Variants in ARMC8 observed in about 807,000 individuals in gnomAD.
The protein encoded by ARMC8 is armadillo repeat containing 8, also known as armadillo repeat-containing protein 8.
Under a neutral mutation model 99.3 loss-of-function variants are expected in ARMC8, and 20 were observed. That is an observed-to-expected ratio of 0.20 (90% CI 0.14 to 0.29). ARMC8 has a LOEUF of 0.29. ARMC8 is among the 10% of genes least tolerant of loss of function. The pLI is 1.00. For synonymous variants in ARMC8, 263 were observed against 278.3 expected (o/e 0.95, Z 0.55); for missense variants, 569 against 809.5 (o/e 0.70, Z 3.60).
At chr3:138,195,583 A>G (rs2043683374) in intron 1 of ARMC8, among the ~76,000 whole-genome samples, 1 of 152,194 alleles carries the variant, frequency 6.6e-6, no homozygotes, top group Non-Finnish European at 1.5e-5. Flanking sequence ...TACTGTCAGC[A>G]GACAGGAATG....
At chr3:138,211,159 C>A (rs904653636) in intron 2 of ARMC8, among the ~76,000 whole-genome samples, 1 of 152,080 alleles carries the variant, frequency 6.6e-6, no homozygotes, top group African/African-American at 2.4e-5. Context: ...CACACAAGTT[C>A]GTCAAGGGGG....
chr3:138,292,906 C>G (rs2051104180), intron 21 of ARMC8, among the ~76,000 whole-genome samples: 1 of 152,162 alleles, frequency 6.6e-6, no homozygotes, highest in Non-Finnish European at 1.5e-5. Context: ...GTGAGGCAGG[C>G]AGAGACTCAG....
At chr3:138,194,030 C>T (rs2043547813) in intron 1 of ARMC8, among the ~76,000 whole-genome samples, 1 of 151,266 alleles carries the variant, frequency 6.6e-6, no homozygotes, top group Non-Finnish European at 1.5e-5. Flanking sequence ...ACAGTCCTTT[C>T]CCAGTGGCAT....
chr3:138,286,104 G>A lies in ARMC8; in HGVS notation c.1821+1578G>A, dbSNP rs1022810838. Among the ~76,000 whole-genome samples the A allele has an allele frequency of 8.6e-5, 13 of 151,948 alleles. 1 individual carries two copies. The highest frequency in any genetic ancestry group is 2.9e-4 in the African/African-American group (12 of 41,364). On this transcript the variant is annotated intron_variant, in intron 19 of 21. Transcript: ENST00000469044. ...GATTACAGGCGCGGCACTATTGCCCGGCTAATTTTTGTATTTTTAGAAGAG... is the reference window on the plus strand; with the variant it reads ...GATTACAGGCGCGGCACTATTGCCCAGCTAATTTTTGTATTTTTAGAAGAG...
intron 2 of ARMC8, among the ~76,000 whole-genome samples, chr3:138,213,497 G>C (rs1164632390): frequency 6.6e-6 from 1 of 152,196 alleles, no homozygotes; most frequent in Non-Finnish European, 1.5e-5. Flanking sequence ...TAACTGAATA[G>C]ATGATCATTA....
At chr3:138,256,087 A>T (rs576405677) in intron 12 of ARMC8, among the ~76,000 whole-genome samples, 3 of 152,268 alleles carry the variant, frequency 2.0e-5, no homozygotes, top group African/African-American at 7.2e-5. Flanking sequence ...CAGGTATTAC[A>T]TAACAGGGTA....
At chr3:138,246,359 A>G (rs1012811512) in intron 12 of ARMC8, 4 of 985,014 alleles carry the variant, frequency 4.1e-6, no homozygotes, top group Admixed American at 6.2e-5. Flanking sequence ...TGGTACATCT[A>G]AGTTTTCACT....
At chr3:138,187,268 A>G (rs1290079886), upstream of ARMC8, 1 of 407,964 alleles carries the variant, frequency 2.5e-6, no homozygotes, top group Admixed American at 4.2e-5. Context: ...TGGGGCCGGC[A>G]GATCTTCTTT....
chr3:138,280,779 A>G (rs542076158), intron 18 of ARMC8, among the ~76,000 whole-genome samples: 1 of 152,072 alleles, frequency 6.6e-6, no homozygotes, highest in Non-Finnish European at 1.5e-5. Context: ...GGCATGAGCC[A>G]CCATGCCTGG....
intron 1 of ARMC8, among the ~76,000 whole-genome samples, chr3:138,206,325 A>G (rs190832403): frequency 1.3e-5 from 2 of 152,330 alleles, no homozygotes; most frequent in East Asian, 1.9e-4. Flanking sequence ...CCACATTTCA[A>G]ATTTCAATTG....
chr3:138,225,406 C>T (rs568729825), intron 5 of ARMC8, among the ~76,000 whole-genome samples: 58 of 152,232 alleles, frequency 3.8e-4, no homozygotes, highest in African/African-American at 1.4e-3. Flanking sequence ...CCACTGCGCC[C>T]GGCCTCTTCT....
chr3:138,265,318 T>G (rs1186324995), intron 14 of ARMC8, among the ~76,000 whole-genome samples: 1 of 152,202 alleles, frequency 6.6e-6, no homozygotes, highest in East Asian at 1.9e-4. Context: ...ATGTATCAAG[T>G]GGCTGCTAAT....
At chr3:138,222,154 A>AGGAAAAAAAT (rs1481192851) in intron 3 of ARMC8, among the ~76,000 whole-genome samples, 157 bp downstream of exon 3, 17 of 152,248 alleles carry the variant, frequency 1.1e-4, no homozygotes, top group African/African-American at 4.1e-4. Flanking sequence ...ACTATCTTTA[A>AGGAAAAAAAT]GGAAAAAAAT....
chr3:138,222,058 T>A (rs866664002), intron 3 of ARMC8, 61 bp downstream of exon 3: 7 of 1,323,010 alleles, frequency 5.3e-6, no homozygotes, highest in Middle Eastern at 3.7e-4. Context: ...TATTTCTTAC[T>A]CTCAATTATA....
intron 12 of ARMC8, chr3:138,262,632 A>T: frequency 6.6e-7 from 1 of 1,519,278 alleles, no homozygotes; most frequent in Non-Finnish European, 8.8e-7. Flanking sequence ...CCTAGCCCTG[A>T]CCCTGGAGAA....
At chr3:138,279,424 G>A (rs1314777258) in intron 18 of ARMC8, among the ~76,000 whole-genome samples, 1 of 151,918 alleles carries the variant, frequency 6.6e-6, no homozygotes, top group East Asian at 1.9e-4. Flanking sequence ...TTATCCTTTA[G>A]ATATATTGTT....
chr3:138,243,547 A>G (rs1418891555), intron 11 of ARMC8, among the ~76,000 whole-genome samples: 1 of 152,156 alleles, frequency 6.6e-6, no homozygotes, highest in East Asian at 1.9e-4. Flanking sequence ...AGTATTCTGT[A>G]TTGGGAAGTT....
intron 12 of ARMC8, among the ~76,000 whole-genome samples, chr3:138,249,753 A>G (rs1348502977): frequency 1.3e-5 from 2 of 152,192 alleles, no homozygotes; most frequent in African/African-American, 2.4e-5. Context: ...AAGGAGAGGC[A>G]GGGAGGGGAG....
Position 138,296,150 on chromosome 3 carries a change from A to G in ARMC8, c.*258A>G, listed in dbSNP as rs975961578. ...CTCGGACTCTTTATTAGAACAATCA[A>G]TCATTTTCCTTTGGACCTACAATTT... On this transcript the variant is annotated 3_prime_UTR_variant, in exon 22 of 22. Coordinates refer to ENST00000469044, the MANE Select transcript of ARMC8 (RefSeq NM_001363941.2). 13 of 408,030 alleles carry G rather than the reference A, an allele frequency of 3.2e-5. 1 individual carries two copies. The highest frequency in any genetic ancestry group is 1.1e-4 in the South Asian group (3 of 27,790). 25.3% of individuals were successfully genotyped at this position (408,030 alleles called of 1,614,324 possible). A position where few individuals can be genotyped will look rare whatever the true frequency, so the allele number is the denominator to read the frequency against.
Sources: gnomAD v4.1 joint callset for allele counts (sites outside exome capture counted in the v4.1 genomes callset) on GRCh38, gnomAD v4.1.1 for gene constraint, MANE v1.5 for transcripts, NCBI Gene and HGNC (gene_info 2026-07-23, HGNC 2026-07-21) for gene names.